Variants in TSHZ2 observed in about 807,000 individuals in gnomAD.
TSHZ2 encodes teashirt homolog 2.
Under a neutral mutation model 74.4 loss-of-function variants are expected in TSHZ2, and 21 were observed. That is an observed-to-expected ratio of 0.28 (90% CI 0.20 to 0.41). The LOEUF (loss-of-function observed/expected upper bound fraction) is 0.41. Among genes scored for constraint, TSHZ2 ranks in the 10% least tolerant of loss-of-function variants. The pLI, the probability that TSHZ2 is intolerant of heterozygous loss-of-function variation, is 1.00. For synonymous variants in TSHZ2, 540 were observed against 515.3 expected, an observed-to-expected ratio of 1.05 and a Z score of -0.65; for missense variants, 1,244 against 1,293.5, an observed-to-expected ratio of 0.96 and a Z score of 0.59.
At chr20:53,004,372 A>G (rs543697665) in intron 1 of TSHZ2, among the ~76,000 whole-genome samples, 1 of 152,298 alleles carries the variant, frequency 6.6e-6, no homozygotes, top group African/African-American at 2.4e-5. Context: ...TGAAGCTGAA[A>G]TCGGTCAAGC....
At chr20:53,227,610 T>C (rs535232609) in intron 1 of TSHZ2, among the ~76,000 whole-genome samples, 18 of 152,250 alleles carry the variant, frequency 1.2e-4, no homozygotes, top group Admixed American at 5.2e-4. Context: ...AACTGAAGGG[T>C]AATTTTTTTT....
At chr20:53,305,354 G>A (rs959783301) in intron 2 of TSHZ2, among the ~76,000 whole-genome samples, 2 of 152,128 alleles carry the variant, frequency 1.3e-5, no homozygotes, top group Non-Finnish European at 1.5e-5. Context: ...GCTGTAGCCC[G>A]GTAGAAGGCA....
At chr20:53,270,823 T>G (rs1223018231) in intron 2 of TSHZ2, among the ~76,000 whole-genome samples, 2 of 152,212 alleles carry the variant, frequency 1.3e-5, no homozygotes, top group Non-Finnish European at 2.9e-5. Context: ...CAGGTTATGC[T>G]TTTTTCAATG....
At chr20:53,125,080 C>A (rs956242444) in intron 1 of TSHZ2, among the ~76,000 whole-genome samples, 2 of 152,164 alleles carry the variant, frequency 1.3e-5, no homozygotes, top group Non-Finnish European at 2.9e-5. Flanking sequence ...CCAATTTACT[C>A]AACCTCTTTT....
At chr20:53,336,187 AG>A (rs1979942689) in intron 2 of TSHZ2, among the ~76,000 whole-genome samples, 1 of 152,180 alleles carries the variant, frequency 6.6e-6, no homozygotes, top group East Asian at 1.9e-4. Flanking sequence ...ACTTTGTTAC[AG>A]GGTGGCTGAG....
intron 1 of TSHZ2, among the ~76,000 whole-genome samples, chr20:53,241,834 A>G (rs920311001): frequency 6.6e-6 from 1 of 152,176 alleles, no homozygotes; most frequent in Non-Finnish European, 1.5e-5. Context: ...ATGATAATGC[A>G]GGACATGGCA....
chr20:53,355,161 A>T (rs1980798104), intron 2 of TSHZ2, among the ~76,000 whole-genome samples: 1 of 152,236 alleles, frequency 6.6e-6, no homozygotes, highest in African/African-American at 2.4e-5. Flanking sequence ...AATTAGAAAG[A>T]ATTTTTTTAA....
At chr20:53,236,589 T>A (rs1297713048) in intron 1 of TSHZ2, among the ~76,000 whole-genome samples, 1 of 152,252 alleles carries the variant, frequency 6.6e-6, no homozygotes, top group Non-Finnish European at 1.5e-5. Flanking sequence ...TGGGGTCTAA[T>A]GAACTCACTT....
intron 1 of TSHZ2, among the ~76,000 whole-genome samples, chr20:53,017,764 T>C (rs1600648234): frequency 6.6e-6 from 1 of 152,158 alleles, no homozygotes; most frequent in East Asian, 1.9e-4. Flanking sequence ...TTCCTTTTAA[T>C]GCGTCTTCAC....
At chr20:53,328,427 T>A (rs192359209) in intron 2 of TSHZ2, among the ~76,000 whole-genome samples, 1 of 150,976 alleles carries the variant, frequency 6.6e-6, no homozygotes, top group African/African-American at 2.5e-5. Context: ...TTTGGACTCT[T>A]TATTCCTGAG....
At chr20:53,022,645 A>G (rs962602307) in intron 1 of TSHZ2, among the ~76,000 whole-genome samples, 1 of 152,174 alleles carries the variant, frequency 6.6e-6, no homozygotes, top group Non-Finnish European at 1.5e-5. Context: ...CTGCAAATCC[A>G]TAGTTGCCCA....
At chr20:53,103,696 C>A (rs149654872) in intron 1 of TSHZ2, among the ~76,000 whole-genome samples, 83 of 152,306 alleles carry the variant, frequency 5.4e-4, no homozygotes, top group African/African-American at 1.7e-3. Context: ...TGACTTGCCC[C>A]TCACCATTTC....
At chr20:53,187,231 A>C (rs1008761626) in intron 1 of TSHZ2, among the ~76,000 whole-genome samples, 2 of 152,204 alleles carry the variant, frequency 1.3e-5, no homozygotes, top group Admixed American at 1.3e-4. Flanking sequence ...CAACACCAAG[A>C]AAACATTGCA....
chr20:53,180,845 G>A (rs1172131207), intron 1 of TSHZ2, among the ~76,000 whole-genome samples: 1 of 152,108 alleles, frequency 6.6e-6, no homozygotes, highest in Non-Finnish European at 1.5e-5. Context: ...CTGCCTTACT[G>A]AGTCAGACAT....
In TSHZ2 at chr20:53,469,765, G is replaced by A. The variant is rs994640008; in HGVS notation, c.*9-17379G>A. 4.8e-3 allele frequency among the ~76,000 whole-genome samples: 228 copies of A among 47,928 alleles called. 12 individuals are homozygous for A. The highest frequency in any genetic ancestry group is 6.4e-3 in the Non-Finnish European group (156 of 24,488). 31.4% of individuals were successfully genotyped at this position (47,928 alleles called of 152,430 possible). A position where few individuals can be genotyped will look rare whatever the true frequency, so the allele number is the denominator to read the frequency against. On this transcript the variant is annotated intron_variant, in intron 2 of 2. Coordinates refer to ENST00000371497, the MANE Select transcript of TSHZ2 (RefSeq NM_173485.6). Reference sequence around the variant, plus strand: ...GGAAGGACCCAAGAAAGATAGAGAGGGAGGAAGGGAGGGAGGGAGGGAGGA... The same window carrying A: ...GGAAGGACCCAAGAAAGATAGAGAGAGAGGAAGGGAGGGAGGGAGGGAGGA...
At chr20:53,071,690 G>T (rs750837992) in intron 1 of TSHZ2, among the ~76,000 whole-genome samples, 8 of 152,184 alleles carry the variant, frequency 5.3e-5, no homozygotes, top group Non-Finnish European at 1.0e-4. Flanking sequence ...ACCCAGAGCT[G>T]ACTTCTGTGA....
chr20:53,204,925 C>CA (rs1568811621), intron 1 of TSHZ2, among the ~76,000 whole-genome samples: 1 of 150,720 alleles, frequency 6.6e-6, no homozygotes, highest in South Asian at 2.1e-4. Flanking sequence ...ACTAAAAATA[C>CA]AAAAAAAGAA....
chr20:53,084,686 CCTCCCTCT>C (rs139865511), intron 1 of TSHZ2, among the ~76,000 whole-genome samples: 58,950 of 107,612 alleles, frequency 0.55, 16,909 homozygotes, highest in East Asian at 0.74. Context: ...TCCCTCCCTC[CCTCCCTCT>C]CTCCCTCTCT....
chr20:53,323,644 C>G (rs923913094), intron 2 of TSHZ2, among the ~76,000 whole-genome samples: 1 of 121,072 alleles, frequency 8.3e-6, no homozygotes, highest in Admixed American at 1.1e-4. Flanking sequence ...GGTGCAATCT[C>G]TGGTCACTGC....
Sources: gnomAD v4.1 joint callset for allele counts (sites outside exome capture counted in the v4.1 genomes callset) on GRCh38, gnomAD v4.1.1 for gene constraint, MANE v1.5 for transcripts, NCBI Gene and HGNC (gene_info 2026-07-23, HGNC 2026-07-21) for gene names.